Variants in R3HDML observed in about 807,000 individuals in gnomAD.
The protein encoded by R3HDML is peptidase inhibitor R3HDML.
Under a neutral mutation model 24.2 loss-of-function variants are expected in R3HDML, and 21 were observed. That is an observed-to-expected ratio of 0.87 (90% CI 0.62 to 1.25). The LOEUF (loss-of-function observed/expected upper bound fraction) is 1.25. Among genes scored for constraint, R3HDML ranks in the 50% most tolerant of loss-of-function variants. The probability of loss-of-function intolerance (pLI) is 0.00; values close to 1 mark genes in which losing one functional copy is unlikely to be tolerated. For synonymous variants in R3HDML, 133 were observed against 131.5 expected (o/e 1.01, Z -0.08); for missense variants, 301 against 340.3 (o/e 0.88, Z 0.91).
chr20:44,350,890 A>T lies in R3HDML; in HGVS notation c.*98A>T. ...AGAAATAATTGTTTCTTTAAAGGAT[A>T]TGAGTTAGAATCACCCCCTGTTGAA... is the stretch of plus-strand genomic sequence containing the variant. On this transcript the variant is annotated 3_prime_UTR_variant, in exon 5 of 5. Transcript: ENST00000217043. 7.1e-7 allele frequency: 1 copy of T among 1,401,666 alleles called. No homozygotes were observed. The highest frequency in any genetic ancestry group is 2.4e-5 in the East Asian group (1 of 41,452). The allele number at this position is 1,401,666 out of a possible 1,614,324, so 86.8% of individuals were successfully genotyped here.
intron 4 of R3HDML, 95 bp downstream of exon 4, chr20:44,345,473 T>C (rs1965637374): frequency 1.2e-6 from 1 of 845,204 alleles, no homozygotes; most frequent in Non-Finnish European, 1.9e-6. Context: ...TTCTTCATTC[T>C]AAGTGCCCTC....
At chr20:44,345,141 A>G in intron 3 of R3HDML, 122 bp from the exon 4 acceptor site, 1 of 764,514 alleles carries the variant, frequency 1.3e-6, no homozygotes, top group Middle Eastern at 3.6e-4. Flanking sequence ...CTCCCCCAAC[A>G]CCTTGGAACA....
intron 1 of R3HDML, among the ~76,000 whole-genome samples, chr20:44,340,114 C>T (rs2062768214): frequency 6.6e-6 from 1 of 152,008 alleles, no homozygotes; most frequent in Admixed American, 6.6e-5. Context: ...GCCACCACAC[C>T]CGGCTAATTT....
intron 3 of R3HDML, among the ~76,000 whole-genome samples, chr20:44,344,212 C>T (rs2062779900): frequency 6.6e-6 from 1 of 151,256 alleles, no homozygotes; most frequent in Non-Finnish European, 1.5e-5. Context: ...ACCCAGGAGG[C>T]AGATGTTGCA....
At chr20:44,341,344 A>G in intron 2 of R3HDML, 30 bp downstream of exon 2, 1 of 1,539,578 alleles carries the variant, frequency 6.5e-7, no homozygotes, top group Non-Finnish European at 9.0e-7. Flanking sequence ...TCCTTCACTC[A>G]GTCATTCAAC....
At chr20:44,350,416 TG>T (rs2146117299) in intron 4 of R3HDML, among the ~76,000 whole-genome samples, 1 of 151,824 alleles carries the variant, frequency 6.6e-6, no homozygotes, top group African/African-American at 2.4e-5. Flanking sequence ...CTCAGAAGAC[TG>T]AGCTGAGTTG....
chr20:44,345,833 T>C lies in R3HDML; in HGVS notation c.629+455T>C, dbSNP rs146339524. The stretch of plus-strand genomic sequence containing the variant: ...CCATTTTTTCTTTCTTTCTTTCTTT[T>C]TTTTGAGAAGAGGCCTTGCTCTCTC... On this transcript the variant is annotated intron_variant, in intron 4 of 4. Coordinates refer to ENST00000217043, the MANE Select transcript of R3HDML (RefSeq NM_178491.4). 8.2e-4 allele frequency among the ~76,000 whole-genome samples: 102 copies of C among 124,314 alleles called. 3 individuals are homozygous for C. Among genetic ancestry groups the C allele is most frequent in the South Asian group, 1.7e-3 (7 of 4,182 alleles). The allele number at this position is 124,314 out of a possible 152,430, so 81.6% of individuals were successfully genotyped here. A position where few individuals can be genotyped will look rare whatever the true frequency, so the allele number is the denominator to read the frequency against.
chr20:44,344,521 C>T (rs573874121), intron 3 of R3HDML, among the ~76,000 whole-genome samples: 1 of 152,088 alleles, frequency 6.6e-6, no homozygotes, highest in Admixed American at 6.6e-5. Flanking sequence ...GTGGCTCATG[C>T]CTGTAATCGT....
At chr20:44,350,286 G>C (rs1214459007) in intron 4 of R3HDML, among the ~76,000 whole-genome samples, 3 of 152,070 alleles carry the variant, frequency 2.0e-5, no homozygotes, top group African/African-American at 7.2e-5. Flanking sequence ...GGCTGAGGCA[G>C]GAGGACTGCT....
intron 1 of R3HDML, among the ~76,000 whole-genome samples, chr20:44,339,582 TG>T (rs2062766675): frequency 8.0e-6 from 1 of 125,188 alleles, no homozygotes; most frequent in Non-Finnish European, 1.9e-5. Context: ...TATATATATG[TG>T]TGTGTGTGTG....
intron 1 of R3HDML, 32 bp from the exon 2 acceptor site, chr20:44,341,164 C>A: frequency 6.4e-7 from 1 of 1,567,862 alleles, no homozygotes; most frequent in South Asian, 1.1e-5. Flanking sequence ...TGGCAATTCC[C>A]CTGGGGAATT....
At chr20:44,345,503 A>G in intron 4 of R3HDML, 125 bp downstream of exon 4, 1 of 674,218 alleles carries the variant, frequency 1.5e-6, no homozygotes, top group Non-Finnish European at 2.5e-6. Context: ...TAATTTGGGT[A>G]GTTTTAAGAG....
intron 4 of R3HDML, 50 bp from the exon 5 acceptor site, chr20:44,350,610 G>A (rs1483202377): frequency 1.3e-6 from 2 of 1,580,364 alleles, no homozygotes; most frequent in African/African-American, 1.4e-5. Context: ...TCTGTGTGAA[G>A]GTTACTCACC....
intron 4 of R3HDML, among the ~76,000 whole-genome samples, chr20:44,348,659 C>T (rs1325309529): frequency 1.3e-5 from 2 of 152,062 alleles, no homozygotes; most frequent in Non-Finnish European, 2.9e-5. Flanking sequence ...CACCACCACA[C>T]CTGGCTTATG....
chr20:44,341,070 G>A (rs937644958), intron 1 of R3HDML, 126 bp from the exon 2 acceptor site: 32 of 725,506 alleles, frequency 4.4e-5, no homozygotes, highest in Non-Finnish European at 6.5e-5. Context: ...ACTTTGTCAC[G>A]TGGGTTTGTT....
rs1163555792 is a variant in R3HDML, at chr20:44,343,464, C to T, written c.468C>T (p.His156=). 3.7e-6 allele frequency: 6 copies of T among 1,612,760 alleles called. No individual in the cohort carries two copies. The Admixed American group carries it at 1.0e-4, about 27-fold the overall frequency. The stretch of plus-strand genomic sequence containing the variant: ...CGGCCCCAAGGGACTGTAACCCACA[C>T]TGCCCCTGGCGCTGCGATGGCCCCA... ...LFPAPRDCNP[H]CPWRCDGPTC... is the part of the protein sequence containing the mutation. The change falls in exon 3 of 5, where the codon CAC becomes CAT. Residue 156 remains histidine, a synonymous_variant. Transcript: ENST00000217043.
Position 44,341,285 on chromosome 20 carries a change from G to T in R3HDML, c.351G>T (p.Val117=), listed in dbSNP as rs764488519. The change falls in exon 2 of 5, where the codon GTG becomes GTT. Residue 117 remains valine, a synonymous_variant. Transcript: ENST00000217043. The stretch of plus-strand genomic sequence containing the variant: ...GGCCTTCACAGCTGATGAGATACGT[G>T]GGCCAGAACCTCTCCATCCATTCTG... ...AHGPSQLMRY[V]GQNLSIHSGQ... is the part of the protein sequence containing the mutation. The T allele has an allele frequency of 6.2e-7, 1 of 1,614,056 alleles. No homozygotes were observed. The highest frequency in any genetic ancestry group is 1.1e-5 in the South Asian group (1 of 91,074).
intron 3 of R3HDML, 65 bp from the exon 4 acceptor site, chr20:44,345,198 A>T: frequency 2.3e-6 from 3 of 1,301,926 alleles, no homozygotes; most frequent in Non-Finnish European, 3.4e-6. Flanking sequence ...CAACTGTACA[A>T]CCCCAGGGAG....
At chr20:44,342,812 C>T (rs1202010497) in intron 2 of R3HDML, among the ~76,000 whole-genome samples, 2 of 152,042 alleles carry the variant, frequency 1.3e-5, no homozygotes, top group Admixed American at 6.6e-5. Flanking sequence ...ATTAGCCAGG[C>T]GTATGCAGGT....
Sources: allele counts gnomAD v4.1 joint callset (sites outside exome capture counted in the v4.1 genomes callset), GRCh38; gene constraint gnomAD v4.1.1; transcripts MANE v1.5; gene names NCBI Gene and HGNC (gene_info 2026-07-23, HGNC 2026-07-21).